Variants in SLC35F2 observed in about 807,000 individuals in gnomAD.
The protein encoded by SLC35F2 is queuine/queuosine transporter SLC35F2.
In SLC35F2, 25 loss-of-function variants were observed where a neutral mutation model predicts 38.1. The observed-to-expected ratio is 0.66, with a 90% CI of 0.48 to 0.92. The LOEUF is 0.92. SLC35F2 is among the 40% of genes least tolerant of loss of function. SLC35F2 has a pLI of 0.00. For synonymous variants in SLC35F2, 173 were observed against 181.7 expected (o/e 0.95, Z 0.38); for missense variants, 409 against 452.9 (o/e 0.90, Z 0.88).
chr11:107,855,026 AT>A, intron 1 of SLC35F2, among the ~76,000 whole-genome samples: 1 of 152,206 alleles, frequency 6.6e-6, no homozygotes, highest in East Asian at 1.9e-4. Context: ...AATATTGAGT[AT>A]TAGGAGTACT....
chr11:107,825,788 T>C (rs1241640635), intron 1 of SLC35F2, among the ~76,000 whole-genome samples: 1 of 152,180 alleles, frequency 6.6e-6, no homozygotes, highest in Non-Finnish European at 1.5e-5. Context: ...TCTCAACTTT[T>C]AGGAATCCGT....
At chr11:107,825,434 C>T (rs1964681) in intron 1 of SLC35F2, among the ~76,000 whole-genome samples, 3,276 of 148,292 alleles carry the variant, frequency 0.022, 116 homozygotes, top group African/African-American at 0.078. Context: ...TCCAGTGGCA[C>T]GATCGCGGCT....
At chr11:107,817,207 C>T (rs1403316795) in intron 1 of SLC35F2, among the ~76,000 whole-genome samples, 1 of 151,364 alleles carries the variant, frequency 6.6e-6, no homozygotes, top group Non-Finnish European at 1.5e-5. Flanking sequence ...ACACAGGAAG[C>T]GGAGGTTGCA....
chr11:107,841,932 G>A (rs1290017980), intron 1 of SLC35F2, among the ~76,000 whole-genome samples: 1 of 151,904 alleles, frequency 6.6e-6, no homozygotes, highest in Non-Finnish European at 1.5e-5. Flanking sequence ...CGGGCGTGGT[G>A]GTGTGCACCT....
In SLC35F2 at chr11:107,806,839, A is replaced by G; in HGVS notation, c.452T>C (p.Leu151Pro). The change falls in exon 4 of 8, where the codon CTG (leucine) becomes CCG (proline). Residue 151 changes from leucine (L) to proline (P), a missense_variant. Leu to Pro is a moderately conservative substitution (Grantham distance 98). Coordinates refer to ENST00000525815, the MANE Select transcript of SLC35F2 (RefSeq NM_017515.5). ...TCTTGCATGAAGAATAAACCATGAC[A>G]GAGCCATCAACACAGGAATCCCAAA... Reference protein sequence around the residue: ...DCFGIPVLMALSWFILHARYR... With the variant: ...DCFGIPVLMAPSWFILHARYR... The G allele has an allele frequency of 6.2e-7, 1 of 1,614,128 alleles. No homozygotes were observed. The highest frequency in any genetic ancestry group is 8.5e-7 in the Non-Finnish European group (1 of 1,179,970).
intron 1 of SLC35F2, among the ~76,000 whole-genome samples, chr11:107,818,205 G>A (rs1859615568): frequency 1.3e-5 from 2 of 152,000 alleles, no homozygotes; most frequent in South Asian, 4.1e-4. Context: ...GCTGAGGCGG[G>A]TGAATTACTT....
At chr11:107,813,462 C>T (rs1471065462) in intron 2 of SLC35F2, among the ~76,000 whole-genome samples, 1 of 152,060 alleles carries the variant, frequency 6.6e-6, no homozygotes, top group Admixed American at 6.6e-5. Context: ...GAAACTCCGT[C>T]TCAGAAGAAA....
Position 107,834,479 on chromosome 11 carries a change from C to T in SLC35F2, c.111-18514G>A, listed in dbSNP as rs187429303. Among the ~76,000 whole-genome samples the T allele has an allele frequency of 4.0e-3, 615 of 152,138 alleles. 7 individuals carry two copies. The highest frequency in any genetic ancestry group is 0.013 in the African/African-American group (548 of 41,476). ...CAGCCTGGCCAACATGGTGAAACCCCATCTCTACTAAAAATACAAAATTAG... is the reference window on the plus strand; with the variant it reads ...CAGCCTGGCCAACATGGTGAAACCCTATCTCTACTAAAAATACAAAATTAG... On this transcript the variant is annotated intron_variant, in intron 1 of 7. Coordinates refer to ENST00000525815, the MANE Select transcript of SLC35F2 (RefSeq NM_017515.5).
chr11:107,821,837 G>T (rs1354179835), intron 1 of SLC35F2, among the ~76,000 whole-genome samples: 2 of 152,214 alleles, frequency 1.3e-5, no homozygotes, highest in Non-Finnish European at 2.9e-5. Flanking sequence ...CAGCAAACAA[G>T]AGTTATGGAT....
intron 7 of SLC35F2, among the ~76,000 whole-genome samples, chr11:107,798,886 G>A (rs1166133478): frequency 6.6e-6 from 1 of 152,154 alleles, no homozygotes; most frequent in African/African-American, 2.4e-5. Context: ...GACCAGCCTG[G>A]CCAACATAGT....
At chr11:107,805,177 T>C (rs994480845) in intron 5 of SLC35F2, 182 bp downstream of exon 5, 7 of 984,026 alleles carry the variant, frequency 7.1e-6, no homozygotes, top group Non-Finnish European at 8.4e-6. Context: ...CTTGATGTTT[T>C]AACAATCCTC....
intron 1 of SLC35F2, among the ~76,000 whole-genome samples, chr11:107,851,459 G>A (rs12797011): frequency 0.053 from 6,859 of 129,398 alleles, 239 homozygotes; most frequent in East Asian, 0.13. Context: ...GAGAAACTCC[G>A]TCTCAAAAAA....
rs536522233 is a variant in SLC35F2 at position 107,834,556 on chromosome 11, A to G, written c.111-18591T>C. Among the ~76,000 whole-genome samples the G allele has an allele frequency of 2.0e-5, 3 of 152,294 alleles. No homozygotes were observed. In the East Asian group the frequency reaches 5.8e-4, roughly 29 times the overall value. On this transcript the variant is annotated intron_variant, in intron 1 of 7. Coordinates refer to ENST00000525815, the MANE Select transcript of SLC35F2 (RefSeq NM_017515.5). ...ACCCAGCTACTTGGGAGGCTGAGGC[A>G]GGAGAATCACTTGAACCCAGGAGGC...
chr11:107,829,459 T>C (rs1859803517), intron 1 of SLC35F2, among the ~76,000 whole-genome samples: 1 of 151,846 alleles, frequency 6.6e-6, no homozygotes, highest in Non-Finnish European at 1.5e-5. Context: ...TGCACCCTTC[T>C]CGCCCTGTGA....
intron 1 of SLC35F2, chr11:107,816,209 A>T: frequency 1.0e-6 from 1 of 985,198 alleles, no homozygotes. Context: ...TTCACTGAAC[A>T]TCCATTTAGA....
intron 2 of SLC35F2, among the ~76,000 whole-genome samples, chr11:107,813,622 G>A (rs1859518018): frequency 6.6e-6 from 1 of 152,110 alleles, no homozygotes; most frequent in Non-Finnish European, 1.5e-5. Context: ...TCCACAAAGA[G>A]CAAAGTCCAG....
chr11:107,805,657 A>T (rs562729931), intron 4 of SLC35F2, 142 bp from the exon 5 acceptor site: 7 of 1,435,820 alleles, frequency 4.9e-6, no homozygotes, highest in South Asian at 1.5e-5. Context: ...TATGTGTGAG[A>T]GTGTGTGTGT....
chr11:107,804,871 T>A, intron 5 of SLC35F2, 101 bp from the exon 6 acceptor site: 3 of 1,191,958 alleles, frequency 2.5e-6, no homozygotes, highest in Non-Finnish European at 2.4e-6. Flanking sequence ...AGGAATTACA[T>A]GGACATTTGA....
At chr11:107,850,401 G>A (rs773258134) in intron 1 of SLC35F2, among the ~76,000 whole-genome samples, 7 of 152,122 alleles carry the variant, frequency 4.6e-5, no homozygotes, top group Non-Finnish European at 7.4e-5. Context: ...TTTTGTCCCC[G>A]AGAAGACATT....
Sources: allele counts gnomAD v4.1 joint callset (sites outside exome capture counted in the v4.1 genomes callset), GRCh38; gene constraint gnomAD v4.1.1; transcripts MANE v1.5; gene names NCBI Gene and HGNC (gene_info 2026-07-23, HGNC 2026-07-21).